CHD6: variants seen among roughly 807,000 people sequenced by gnomAD.
The protein encoded by CHD6 is chromodomain helicase DNA binding protein 6, also known as ATP-dependent chromatin remodeler CHD6.
In CHD6, 50 loss-of-function variants were observed where a neutral mutation model predicts 276.9. The ratio of observed to expected loss-of-function variants is 0.18; its 90% confidence interval spans 0.14 to 0.23. The LOEUF (loss-of-function observed/expected upper bound fraction) is 0.23. Ranked by LOEUF, CHD6 falls within the 10% of genes least tolerant of loss-of-function variation. The pLI is 1.00. For missense variants in CHD6, 2,564 were observed against 3,365.8 expected, an observed-to-expected ratio of 0.76 and a Z score of 5.89; for synonymous variants, 1,173 against 1,229.3, an observed-to-expected ratio of 0.95 and a Z score of 0.96.
intron 25 of CHD6, among the ~76,000 whole-genome samples, chr20:41,443,977 G>A (rs754928221): frequency 2.6e-5 from 4 of 152,182 alleles, no homozygotes; most frequent in Non-Finnish European, 4.4e-5. Context: ...AATTCTACCT[G>A]CCATACTTCT....
chr20:41,611,758 C>T (rs1167127981), intron 1 of CHD6, among the ~76,000 whole-genome samples: 1 of 152,148 alleles, frequency 6.6e-6, no homozygotes, highest in Non-Finnish European at 1.5e-5. Context: ...CTGCCTCAGC[C>T]TCTGGTGTAG....
intron 2 of CHD6, among the ~76,000 whole-genome samples, chr20:41,534,613 C>A (rs2044781703): frequency 6.6e-6 from 1 of 152,034 alleles, no homozygotes; most frequent in Non-Finnish European, 1.5e-5. Flanking sequence ...CATATCAATA[C>A]AGTCCAGCCT....
At chr20:41,581,349 G>C (rs2045537016) in intron 1 of CHD6, among the ~76,000 whole-genome samples, 1 of 152,110 alleles carries the variant, frequency 6.6e-6, no homozygotes, top group South Asian at 2.1e-4. Flanking sequence ...CACATTCTTA[G>C]CTGCACATGA....
At chr20:41,579,242 C>A (rs1233688109) in intron 1 of CHD6, among the ~76,000 whole-genome samples, 1 of 147,464 alleles carries the variant, frequency 6.8e-6, no homozygotes, top group Non-Finnish European at 1.5e-5. Flanking sequence ...CGAGACCAGC[C>A]CGACCAACAG....
chr20:41,405,514 T>C (rs1339807738), intron 36 of CHD6, 25 bp from the exon 37 acceptor site: 2 of 1,528,062 alleles, frequency 1.3e-6, no homozygotes, highest in South Asian at 1.3e-5. Context: ...AAACACAAAA[T>C]GCTGAAGGCA....
In CHD6 at chr20:41,445,564, T is replaced by C. The variant is rs151008443; in HGVS notation, c.3877+101A>G. 2,048 of 694,172 alleles carry C rather than the reference T, an allele frequency of 3.0e-3. 25 individuals carry two copies. Among genetic ancestry groups the C allele is most frequent in the Middle Eastern group, 0.016 (49 of 3,040 alleles). The allele number at this position is 694,172 out of a possible 1,614,324, so 43.0% of individuals were successfully genotyped here. ...TTAAGATGAATGTGTAACAGAATGA[T>C]AGAGTTTTGCAGGAACATGCCGAGC... On this transcript the variant is annotated intron_variant, in intron 25 of 36. Coordinates refer to ENST00000373233, the MANE Select transcript of CHD6 (RefSeq NM_032221.5).
At position 41,420,830 on chromosome 20, in the gene CHD6, G is replaced by A; in HGVS notation, c.5805C>T (p.Ala1935=). The A allele has an allele frequency of 1.2e-6, 2 of 1,614,208 alleles. No homozygotes were observed. The highest frequency in any genetic ancestry group is 1.7e-5 in the Admixed American group (1 of 60,026). ...CCATGTGTTTGCAGTGGCACTGACA[G>A]GCTGCTGGAGCGGGGAAAGCCCTCT... ...GLQRAFPAPA[A]CQCHCKHMER... is the part of the protein sequence containing the mutation. Residue 1935 remains alanine (A), a synonymous_variant, in exon 31 of 37, where the codon GCC becomes GCT. Transcript: ENST00000373233.
intron 1 of CHD6, among the ~76,000 whole-genome samples, chr20:41,588,459 C>A (rs573056247): frequency 6.6e-6 from 1 of 152,272 alleles, no homozygotes; most frequent in East Asian, 1.9e-4. Flanking sequence ...CCCAAGCATA[C>A]TACTAACCTC....
intron 27 of CHD6, 82 bp downstream of exon 27, chr20:41,437,191 TC>T: frequency 9.6e-7 from 1 of 1,038,760 alleles, no homozygotes; most frequent in Non-Finnish European, 1.5e-6. Context: ...GCAATCAAGT[TC>T]CCCCAGATCA....
At chr20:41,566,947 C>T (rs575148890) in intron 1 of CHD6, among the ~76,000 whole-genome samples, 10 of 152,104 alleles carry the variant, frequency 6.6e-5, no homozygotes, top group African/African-American at 9.7e-5. Flanking sequence ...AGGGCCCAAC[C>T]GTGACCAAGG....
chr20:41,500,044 T>C (rs2043794799), intron 5 of CHD6, among the ~76,000 whole-genome samples: 1 of 152,156 alleles, frequency 6.6e-6, no homozygotes, highest in Admixed American at 6.5e-5. Context: ...CTCCATGAAA[T>C]CTCTTTCTAC....
chr20:41,543,926 T>C (rs936011610), intron 2 of CHD6, among the ~76,000 whole-genome samples: 6 of 152,146 alleles, frequency 3.9e-5, no homozygotes, highest in Admixed American at 6.6e-5. Flanking sequence ...TTGGGCTAGT[T>C]TTCCCAAGGA....
At chr20:41,606,243 A>G (rs1241148353) in intron 1 of CHD6, among the ~76,000 whole-genome samples, 1 of 151,828 alleles carries the variant, frequency 6.6e-6, no homozygotes, top group Admixed American at 6.6e-5. Flanking sequence ...CAGGTGTGGT[A>G]GCTCACGTCT....
Position 41,421,045 on chromosome 20 carries a change from T to A in CHD6, c.5590A>T (p.Ser1864Cys). 6.2e-7 allele frequency: 1 copy of A among 1,613,966 alleles called. No homozygotes were observed. The highest frequency in any genetic ancestry group is 8.5e-7 in the Non-Finnish European group (1 of 1,179,970). The change falls in exon 31 of 37, where the codon AGT becomes TGT. Residue 1864 changes from serine to cysteine, a missense_variant. By Grantham distance (112) the Ser-to-Cys change is moderately radical. Transcript: ENST00000373233. ...TCCTCCTCTTCTTCCTCCTCATCAC[T>A]GTGGTTCTGACTCAAAATCAATTTA... ...ESKLILSQNH[S>C]DEEEEEEENE...
intron 2 of CHD6, 82 bp downstream of exon 2, chr20:41,551,223 C>T (rs1426847712): frequency 5.6e-6 from 5 of 891,756 alleles, no homozygotes; most frequent in Non-Finnish European, 9.3e-6. Flanking sequence ...AAGGGATAAG[C>T]CAACACTGCC....
chr20:41,423,406 T>C (rs970316969), intron 30 of CHD6, 86 bp downstream of exon 30: 5 of 1,284,254 alleles, frequency 3.9e-6, no homozygotes, highest in African/African-American at 2.9e-5. Context: ...CTAGTTTTTA[T>C]AGGTATACCT....
intron 8 of CHD6, among the ~76,000 whole-genome samples, chr20:41,494,497 A>C (rs576172733): frequency 2.0e-5 from 3 of 152,354 alleles, no homozygotes; most frequent in Admixed American, 2.0e-4. Flanking sequence ...ATATAGAAAT[A>C]CTTAAGGTAT....
chr20:41,413,678 A>G (rs2046910674), intron 34 of CHD6, 163 bp from the exon 35 acceptor site: 2 of 527,274 alleles, frequency 3.8e-6, no homozygotes, highest in South Asian at 6.3e-5. Context: ...CCACTGACCC[A>G]CGCCCACATA....
chr20:41,608,921 C>T (rs890492487), intron 1 of CHD6, among the ~76,000 whole-genome samples: 34 of 152,164 alleles, frequency 2.2e-4, no homozygotes, highest in Admixed American at 2.2e-3. Context: ...ATGCTGCAGA[C>T]ACAAAGTGCA....
Sources: gnomAD v4.1 joint callset for allele counts (sites outside exome capture counted in the v4.1 genomes callset) on GRCh38, gnomAD v4.1.1 for gene constraint, MANE v1.5 for transcripts, NCBI Gene and HGNC (gene_info 2026-07-23, HGNC 2026-07-21) for gene names.